Variants in FAM168A observed in about 807,000 individuals in gnomAD.
FAM168A encodes family with sequence similarity 168 member A, also known as protein FAM168A.
Under a neutral mutation model 28.5 loss-of-function variants are expected in FAM168A, and 3 were observed. That is an observed-to-expected ratio of 0.11 (90% CI 0.05 to 0.27). FAM168A has a LOEUF of 0.27. Ranked by LOEUF, FAM168A falls within the 10% of genes least tolerant of loss-of-function variation. The pLI, the probability that FAM168A is intolerant of heterozygous loss-of-function variation, is 1.00. For missense variants in FAM168A, 222 were observed against 311.5 expected (o/e 0.71, Z 2.16); for synonymous variants, 122 against 124.2 (o/e 0.98, Z 0.12).
chr11:73,513,284 A>G (rs1040869220), intron 1 of FAM168A, among the ~76,000 whole-genome samples: 9 of 136,136 alleles, frequency 6.6e-5, no homozygotes, highest in African/African-American at 2.6e-4. Context: ...ATCTCAGCTC[A>G]CTGCAAGCTC....
intron 2 of FAM168A, among the ~76,000 whole-genome samples, chr11:73,451,527 A>ATCTTTAGT (rs1867429773): frequency 1.3e-5 from 2 of 152,226 alleles, no homozygotes; most frequent in Non-Finnish European, 2.9e-5. Flanking sequence ...AGATATAAAC[A>ATCTTTAGT]ATTATAAGAC....
chr11:73,552,874 T>A (rs1175475097), intron 1 of FAM168A, among the ~76,000 whole-genome samples: 2 of 152,066 alleles, frequency 1.3e-5, no homozygotes, highest in East Asian at 3.9e-4. Context: ...GGAGAAACAC[T>A]ACAACCCAGA....
At chr11:73,455,966 C>T (rs1867524282) in intron 2 of FAM168A, among the ~76,000 whole-genome samples, 1 of 152,156 alleles carries the variant, frequency 6.6e-6, no homozygotes, top group Admixed American at 6.5e-5. Flanking sequence ...TCCCTTCATT[C>T]AGCATGAACA....
intron 1 of FAM168A, among the ~76,000 whole-genome samples, chr11:73,535,390 C>T (rs893991471): frequency 6.0e-5 from 9 of 151,108 alleles, no homozygotes; most frequent in East Asian, 2.0e-4. Context: ...CAGGTGCTCA[C>T]GACCACATCC....
chr11:73,521,580 T>C (rs1267773245), intron 1 of FAM168A, among the ~76,000 whole-genome samples: 2 of 152,240 alleles, frequency 1.3e-5, no homozygotes, highest in Non-Finnish European at 2.9e-5. Context: ...ATTTCCTCTT[T>C]AGAACTAGGA....
chr11:73,534,405 T>G (rs1254424071), intron 1 of FAM168A, among the ~76,000 whole-genome samples: 1 of 149,546 alleles, frequency 6.7e-6, no homozygotes, highest in African/African-American at 2.5e-5. Context: ...TTTTATTTAT[T>G]TATTTTTTTT....
chr11:73,575,845 A>G (rs192835944), intron 1 of FAM168A, among the ~76,000 whole-genome samples: 133 of 151,806 alleles, frequency 8.8e-4, no homozygotes, highest in Non-Finnish European at 1.6e-3. Flanking sequence ...CTCCAGCCTG[A>G]GCAACAAGAG....
At chr11:73,553,409 G>A (rs1481102120) in intron 1 of FAM168A, among the ~76,000 whole-genome samples, 1 of 152,132 alleles carries the variant, frequency 6.6e-6, no homozygotes, top group Non-Finnish European at 1.5e-5. Flanking sequence ...GGGAAAGAAG[G>A]AATAAAGACC....
chr11:73,433,442 C>G lies in FAM168A; in HGVS notation c.71-2672G>C, dbSNP rs548856754. ...TTGATTATGCCTTTGAGTGTCCTATCTAAGAATCCACTGCCAAATCCAAGG... is the reference window on the plus strand; with the variant it reads ...TTGATTATGCCTTTGAGTGTCCTATGTAAGAATCCACTGCCAAATCCAAGG... On this transcript the variant is annotated intron_variant, in intron 2 of 7. Coordinates refer to ENST00000356467, the MANE Select transcript of FAM168A (RefSeq NM_015159.3). Among the ~76,000 whole-genome samples, 30 of 150,528 alleles carry G rather than the reference C, an allele frequency of 2.0e-4. 1 individual carries two copies. The South Asian group carries it at 6.3e-3, about 31-fold the overall frequency.
chr11:73,585,420 G>T (rs932918478), intron 1 of FAM168A, among the ~76,000 whole-genome samples: 10 of 152,130 alleles, frequency 6.6e-5, no homozygotes, highest in Admixed American at 2.0e-4. Context: ...CATACCCAAG[G>T]TCTCATAGCT....
chr11:73,456,868 A>G (rs1190624840), intron 2 of FAM168A, among the ~76,000 whole-genome samples: 2 of 152,220 alleles, frequency 1.3e-5, no homozygotes, highest in African/African-American at 4.8e-5. Flanking sequence ...CCTGGTGCAG[A>G]TTGCTGGAGC....
chr11:73,472,853 A>C (rs1867833966), intron 1 of FAM168A, among the ~76,000 whole-genome samples: 1 of 152,222 alleles, frequency 6.6e-6, no homozygotes, highest in Non-Finnish European at 1.5e-5. Context: ...GAGAACTATG[A>C]GAGGAGTAGG....
At chr11:73,554,702 C>A (rs906002141) in intron 1 of FAM168A, among the ~76,000 whole-genome samples, 1 of 152,140 alleles carries the variant, frequency 6.6e-6, no homozygotes, top group Admixed American at 6.5e-5. Context: ...ATTATTTTTA[C>A]ACAAAAAGAT....
intron 1 of FAM168A, among the ~76,000 whole-genome samples, chr11:73,587,393 G>A (rs1275892455): frequency 6.6e-6 from 1 of 151,926 alleles, no homozygotes; most frequent in Non-Finnish European, 1.5e-5. Flanking sequence ...TTGGATGGCT[G>A]AGGCAGGAGA....
At chr11:73,480,729 C>A (rs1565264110) in intron 1 of FAM168A, among the ~76,000 whole-genome samples, 1 of 152,060 alleles carries the variant, frequency 6.6e-6, no homozygotes, top group African/African-American at 2.4e-5. Flanking sequence ...CAAACAACAA[C>A]AACAACAAAA....
At chr11:73,575,025 T>C (rs1421685433) in intron 1 of FAM168A, among the ~76,000 whole-genome samples, 1 of 152,092 alleles carries the variant, frequency 6.6e-6, no homozygotes, top group African/African-American at 2.4e-5. Flanking sequence ...CCCTGTAAAG[T>C]GTGTATCATA....
At chr11:73,462,410 A>G (rs1867662194) in intron 2 of FAM168A, among the ~76,000 whole-genome samples, 1 of 152,158 alleles carries the variant, frequency 6.6e-6, no homozygotes, top group African/African-American at 2.4e-5. Flanking sequence ...CATAAAGATA[A>G]TAAGTAGGTT....
chr11:73,495,724 C>A (rs1158248855), intron 1 of FAM168A, among the ~76,000 whole-genome samples: 1 of 152,088 alleles, frequency 6.6e-6, no homozygotes, highest in Admixed American at 6.6e-5. Flanking sequence ...CACCAAGATA[C>A]CACCTCACAC....
intron 1 of FAM168A, among the ~76,000 whole-genome samples, chr11:73,591,586 T>C (rs528484371): frequency 6.6e-6 from 1 of 152,324 alleles, no homozygotes; most frequent in East Asian, 1.9e-4. Flanking sequence ...CATAGCTCAC[T>C]GTAGCCTCAA....
Sources: allele counts gnomAD v4.1 joint callset (sites outside exome capture counted in the v4.1 genomes callset), GRCh38; gene constraint gnomAD v4.1.1; transcripts MANE v1.5; gene names NCBI Gene and HGNC (gene_info 2026-07-23, HGNC 2026-07-21).